Variants in PTPRN2 observed in about 807,000 individuals in gnomAD.
The protein encoded by PTPRN2 is protein tyrosine phosphatase receptor type N2, also known as receptor-type tyrosine-protein phosphatase N2.
Under a neutral mutation model 118.8 loss-of-function variants are expected in PTPRN2, and 74 were observed. The ratio of observed to expected loss-of-function variants is 0.62; its 90% CI spans 0.52 to 0.76. PTPRN2 has a LOEUF of 0.76. Among genes scored for constraint, PTPRN2 ranks in the 30% least tolerant of loss-of-function variants. The probability of loss-of-function intolerance (pLI) is 0.00; values close to 1 mark genes in which losing one functional copy is unlikely to be tolerated. For missense variants in PTPRN2, 1,481 were observed against 1,394.4 expected (o/e 1.06, Z -0.99); for synonymous variants, 641 against 608.0 (o/e 1.05, Z -0.80).
rs539137654 is a variant in PTPRN2 at position 158,541,804 on chromosome 7, C to G, written c.112+45754G>C. ...GTATCAGAGGAGAAGGGGCCAAGGC[C>G]GCTGGGGAAGCTGAGAGACTGCAGA... On this transcript the variant is annotated intron_variant, in intron 1 of 22. Transcript: ENST00000389418. The G allele has an allele frequency of 6.2e-5, 58 of 931,542 alleles. No homozygotes were observed. In the African/African-American group the frequency reaches 9.3e-4, roughly 15 times the overall value. The allele number at this position is 931,542 out of a possible 1,614,324, so 57.7% of individuals were successfully genotyped here. A position where few individuals can be genotyped will look rare whatever the true frequency, so the allele number is the denominator to read the frequency against.
At chr7:158,164,290 G>C (rs772708989) in intron 6 of PTPRN2, among the ~76,000 whole-genome samples, 4 of 151,096 alleles carry the variant, frequency 2.6e-5, no homozygotes, top group Non-Finnish European at 5.9e-5. Flanking sequence ...CGCGTGCGTA[G>C]GAAGGGCACG....
chr7:158,144,860 C>T (rs553497517), intron 6 of PTPRN2, among the ~76,000 whole-genome samples: 1 of 152,308 alleles, frequency 6.6e-6, no homozygotes, highest in East Asian at 1.9e-4. Context: ...GATGCTTATT[C>T]CCCTCTCAAA....
intron 11 of PTPRN2, among the ~76,000 whole-genome samples, chr7:158,046,238 T>C (rs1293640979): frequency 9.4e-6 from 1 of 106,204 alleles, no homozygotes; most frequent in Non-Finnish European, 2.0e-5. Context: ...AGAACCTGCG[T>C]TCCTGGCGTC....
At chr7:158,434,521 C>T (rs930346158) in intron 2 of PTPRN2, among the ~76,000 whole-genome samples, 7 of 152,030 alleles carry the variant, frequency 4.6e-5, no homozygotes, top group African/African-American at 1.4e-4. Context: ...ATTGTATTCT[C>T]TTCCAGCGTT....
At chr7:157,721,025 G>C (rs1049911305) in intron 12 of PTPRN2, among the ~76,000 whole-genome samples, 4 of 138,334 alleles carry the variant, frequency 2.9e-5, no homozygotes, top group Admixed American at 7.3e-5. Context: ...CGGGATGGAC[G>C]TGGGTCCACA....
intron 2 of PTPRN2, among the ~76,000 whole-genome samples, chr7:158,419,358 A>G (rs1586630224): frequency 5.3e-5 from 2 of 37,498 alleles, no homozygotes; most frequent in Non-Finnish European, 1.4e-4. Context: ...AGCTGTCACC[A>G]GCAAGAATTC....
chr7:157,751,147 C>T (rs772823282), intron 12 of PTPRN2, among the ~76,000 whole-genome samples: 5 of 152,116 alleles, frequency 3.3e-5, no homozygotes, highest in East Asian at 1.9e-4. Context: ...GACCTGCAGC[C>T]GCAGGACCAA....
At chr7:158,373,168 A>T (rs1268372729) in intron 2 of PTPRN2, among the ~76,000 whole-genome samples, 1 of 152,228 alleles carries the variant, frequency 6.6e-6, no homozygotes, top group Non-Finnish European at 1.5e-5. Context: ...CATTTATAAG[A>T]CTAATATGAC....
chr7:157,829,940 TG>T (rs1467171393), intron 12 of PTPRN2, among the ~76,000 whole-genome samples: 4 of 152,242 alleles, frequency 2.6e-5, no homozygotes, highest in African/African-American at 7.2e-5. Flanking sequence ...CACCTGTCTG[TG>T]GGCCGTGCTT....
intron 12 of PTPRN2, among the ~76,000 whole-genome samples, chr7:157,691,117 G>A (rs890851541): frequency 3.4e-5 from 5 of 145,830 alleles, no homozygotes; most frequent in African/African-American, 1.3e-4. Flanking sequence ...AGGGGCCGCG[G>A]CTCTCCAAAC....
At chr7:158,394,892 TG>T (rs1812220560) in intron 2 of PTPRN2, among the ~76,000 whole-genome samples, 1 of 152,140 alleles carries the variant, frequency 6.6e-6, no homozygotes, top group South Asian at 2.1e-4. Flanking sequence ...ACAGGGACAG[TG>T]GGACAGCGGC....
At chr7:157,620,842 C>T (rs891835904) in intron 15 of PTPRN2, among the ~76,000 whole-genome samples, 25 of 152,006 alleles carry the variant, frequency 1.6e-4, no homozygotes, top group African/African-American at 5.8e-4. Context: ...CTTTGCAGAC[C>T]CTCAGGATGG....
At chr7:158,502,158 T>C (rs1822408874) in intron 1 of PTPRN2, among the ~76,000 whole-genome samples, 4 of 152,226 alleles carry the variant, frequency 2.6e-5, no homozygotes, top group Non-Finnish European at 1.5e-5. Flanking sequence ...TGGCTTGCTC[T>C]GGGGTAGGCA....
At chr7:158,395,687 C>G (rs190323675) in intron 2 of PTPRN2, among the ~76,000 whole-genome samples, 1,172 of 6,000 alleles carry the variant, frequency 0.2, 15 homozygotes, top group African/African-American at 0.25. Flanking sequence ...AGGGGCGAGG[C>G]GCGAGGGGCG....
intron 3 of PTPRN2, 132 bp downstream of exon 3, chr7:158,316,686 TC>T: frequency 1.5e-6 from 1 of 665,002 alleles, no homozygotes; most frequent in African/African-American, 1.8e-5. Context: ...AGCGCCCGGC[TC>T]CCACCTGCCC....
chr7:158,448,696 C>T (rs1373013465), intron 2 of PTPRN2, among the ~76,000 whole-genome samples: 2 of 152,194 alleles, frequency 1.3e-5, no homozygotes, highest in African/African-American at 4.8e-5. Flanking sequence ...CCGGGGCTCC[C>T]AGGGCAGGCC....
chr7:158,137,899 C>A lies in PTPRN2; in HGVS notation c.1132+395G>T, dbSNP rs376549844. 1.4e-4 allele frequency among the ~76,000 whole-genome samples: 21 copies of A among 152,292 alleles called. No homozygotes were observed. The East Asian group carries it at 2.3e-3, about 17-fold the overall frequency. On this transcript the variant is annotated intron_variant, in intron 7 of 22. Transcript: ENST00000389418. ...GCTGAGGGGCTGCCTTCTGCTTCCC[C>A]AGCAGCCTCAGAGGACCAATGCACG... is the stretch of plus-strand genomic sequence containing the variant.
intron 12 of PTPRN2, among the ~76,000 whole-genome samples, chr7:157,798,323 C>T (rs1307785851): frequency 6.6e-6 from 1 of 152,098 alleles, no homozygotes; most frequent in Admixed American, 6.5e-5. Flanking sequence ...TGTGAAATTG[C>T]CTCTGAGACG....
intron 2 of PTPRN2, among the ~76,000 whole-genome samples, chr7:158,329,822 T>G (rs753314808): frequency 2.0e-4 from 30 of 152,140 alleles, no homozygotes; most frequent in Admixed American, 6.5e-5. Context: ...CGCTCGAGGC[T>G]GTGTCCTCTA....
Sources: allele counts gnomAD v4.1 joint callset (sites outside exome capture counted in the v4.1 genomes callset), GRCh38; gene constraint gnomAD v4.1.1; transcripts MANE v1.5; gene names NCBI Gene and HGNC (gene_info 2026-07-23, HGNC 2026-07-21).